CSMD1: variants seen among roughly 807,000 people sequenced by gnomAD.
The protein encoded by CSMD1 is CUB and sushi domain-containing protein 1.
In CSMD1, 213 loss-of-function variants were observed where a neutral mutation model predicts 417.5. The observed-to-expected ratio is 0.51, with a 90% CI of 0.46 to 0.57. The LOEUF (loss-of-function observed/expected upper bound fraction) is 0.57. Among genes scored for constraint, CSMD1 ranks in the 20% least tolerant of loss-of-function variants. CSMD1 has a pLI of 0.00. For synonymous variants in CSMD1, 2,862 were observed against 1,736.8 expected, an observed-to-expected ratio of 1.65 and a Z score of -16.11; for missense variants, 6,923 against 4,529.7, an observed-to-expected ratio of 1.53 and a Z score of -15.17.
chr8:4,473,805 G>GA (rs1171165996), intron 2 of CSMD1, among the ~76,000 whole-genome samples: 5 of 152,158 alleles, frequency 3.3e-5, no homozygotes, highest in African/African-American at 1.2e-4. Flanking sequence ...TAAAATGACA[G>GA]AAAAATAGAG....
chr8:4,694,688 T>A (rs114825841), intron 1 of CSMD1, among the ~76,000 whole-genome samples: 1,931 of 152,168 alleles, frequency 0.013, 32 homozygotes, highest in African/African-American at 0.043. Context: ...ATACATTGAT[T>A]GATGTCTCAT....
intron 3 of CSMD1, among the ~76,000 whole-genome samples, chr8:4,210,218 G>T (rs967753852): frequency 6.6e-6 from 1 of 152,172 alleles, no homozygotes; most frequent in Non-Finnish European, 1.5e-5. Context: ...AAGCCAGCAT[G>T]CTGGGCATGA....
At chr8:4,768,624 G>C (rs758081083) in intron 1 of CSMD1, among the ~76,000 whole-genome samples, 1 of 152,088 alleles carries the variant, frequency 6.6e-6, no homozygotes, top group Non-Finnish European at 1.5e-5. Flanking sequence ...TCTTCTCTGC[G>C]TGGAAGGGGT....
At chr8:3,759,200 C>T (rs1797848456) in intron 5 of CSMD1, among the ~76,000 whole-genome samples, 1 of 152,106 alleles carries the variant, frequency 6.6e-6, no homozygotes, top group South Asian at 2.1e-4. Flanking sequence ...GAGATGTATA[C>T]ATTAAATATG....
At chr8:3,967,269 TCTCTA>T (rs1352463863) in intron 5 of CSMD1, among the ~76,000 whole-genome samples, 19 of 138,596 alleles carry the variant, frequency 1.4e-4, no homozygotes, top group Admixed American at 3.5e-4. Context: ...TTTAATTCTC[TCTCTA>T]TACTGTTCTT....
intron 1 of CSMD1, among the ~76,000 whole-genome samples, chr8:4,897,901 C>G (rs1312762725): frequency 1.3e-5 from 2 of 152,014 alleles, no homozygotes; most frequent in Admixed American, 6.5e-5. Flanking sequence ...CAGAGCAAGG[C>G]GTGGCTTTGT....
At chr8:4,753,819 CATCCTGTTAT>C (rs1360439336) in intron 1 of CSMD1, among the ~76,000 whole-genome samples, 1 of 152,208 alleles carries the variant, frequency 6.6e-6, no homozygotes. Flanking sequence ...GCACTTTCTT[CATCCTGTTAT>C]TATTTCGCAC....
chr8:4,269,069 G>GT (rs1189382602), intron 3 of CSMD1, among the ~76,000 whole-genome samples: 1 of 151,986 alleles, frequency 6.6e-6, no homozygotes, highest in Non-Finnish European at 1.5e-5. Flanking sequence ...TGTTGTTTTT[G>GT]TTTTTGAGAC....
chr8:4,144,293 C>T (rs1431124625), intron 3 of CSMD1, among the ~76,000 whole-genome samples: 1 of 151,020 alleles, frequency 6.6e-6, no homozygotes, highest in Admixed American at 6.6e-5. Flanking sequence ...CCCACTTAAA[C>T]AGGATACCCC....
intron 3 of CSMD1, among the ~76,000 whole-genome samples, chr8:4,350,063 G>T (rs1801002499): frequency 6.6e-6 from 1 of 152,104 alleles, no homozygotes; most frequent in Non-Finnish European, 1.5e-5. Flanking sequence ...TTTCAAATAA[G>T]AATCTCTCAG....
chr8:3,257,438 G>C (rs568032601), intron 26 of CSMD1, among the ~76,000 whole-genome samples: 2 of 152,288 alleles, frequency 1.3e-5, no homozygotes, highest in East Asian at 1.9e-4. Context: ...CTCAAGGGAG[G>C]AGATAACAAT....
intron 6 of CSMD1, among the ~76,000 whole-genome samples, chr8:3,734,274 T>G (rs533068081): frequency 6.6e-6 from 1 of 152,232 alleles, no homozygotes; most frequent in Non-Finnish European, 1.5e-5. Flanking sequence ...CATCTCCCAG[T>G]GTCTCCCTAG....
chr8:4,148,996 T>G (rs1796430108), intron 3 of CSMD1, among the ~76,000 whole-genome samples: 1 of 150,614 alleles, frequency 6.6e-6, no homozygotes, highest in Admixed American at 6.6e-5. Context: ...GGAGTTTCAC[T>G]CTTGTTGCCC....
intron 17 of CSMD1, among the ~76,000 whole-genome samples, chr8:3,390,572 G>C (rs1405391079): frequency 6.6e-6 from 1 of 151,730 alleles, no homozygotes; most frequent in Non-Finnish European, 1.5e-5. Context: ...GAAACGACGT[G>C]TATATTCAGA....
intron 1 of CSMD1, among the ~76,000 whole-genome samples, chr8:4,664,919 C>A (rs1421921694): frequency 6.6e-6 from 1 of 152,098 alleles, no homozygotes; most frequent in Non-Finnish European, 1.5e-5. Context: ...AAAAAACTTG[C>A]ATTAGGAATG....
chr8:4,543,350 T>A (rs73661521), intron 2 of CSMD1, among the ~76,000 whole-genome samples: 1 of 152,118 alleles, frequency 6.6e-6, no homozygotes, highest in Non-Finnish European at 1.5e-5. Flanking sequence ...AGCGTCCCCA[T>A]AGTTCTGCCT....
chr8:4,650,964 A>G (rs77070992), intron 1 of CSMD1, among the ~76,000 whole-genome samples: 2,164 of 152,336 alleles, frequency 0.014, 54 homozygotes, highest in African/African-American at 0.048. Context: ...ACTTGTACTC[A>G]TAAGTTAAAT....
intron 2 of CSMD1, among the ~76,000 whole-genome samples, chr8:4,510,524 G>C (rs1488013446): frequency 1.3e-5 from 2 of 150,530 alleles, no homozygotes; most frequent in Non-Finnish European, 2.9e-5. Flanking sequence ...ACTTAGGTGA[G>C]TCTCTTCCCT....
At chr8:3,719,206 G>T (rs542735616) in intron 6 of CSMD1, among the ~76,000 whole-genome samples, 1 of 151,850 alleles carries the variant, frequency 6.6e-6, no homozygotes, top group African/African-American at 2.4e-5. Flanking sequence ...TTTCCTACTG[G>T]GATTATCAAA....
Sources: gnomAD v4.1 joint callset for allele counts (sites outside exome capture counted in the v4.1 genomes callset) on GRCh38, gnomAD v4.1.1 for gene constraint, MANE v1.5 for transcripts, NCBI Gene and HGNC (gene_info 2026-07-23, HGNC 2026-07-21) for gene names.